TTC7B: variants seen among roughly 807,000 people sequenced by gnomAD.
The protein encoded by TTC7B is tetratricopeptide repeat domain 7B, also known as tetratricopeptide repeat protein 7B.
TTC7B carries 28 observed loss-of-function variants against 106.8 expected under a neutral mutation model. That is an observed-to-expected ratio of 0.26 (90% CI 0.19 to 0.36). The LOEUF (loss-of-function observed/expected upper bound fraction) is 0.36. Ranked by LOEUF, TTC7B falls within the 10% of genes least tolerant of loss-of-function variation. The pLI is 1.00. For missense variants in TTC7B, 862 were observed against 1,076.4 expected (o/e 0.80, Z 2.79); for synonymous variants, 405 against 430.6 (o/e 0.94, Z 0.74).
chr14:90,639,696 C>T lies in TTC7B; in HGVS notation c.1751+4352G>A, dbSNP rs567856869. 5.9e-5 allele frequency among the ~76,000 whole-genome samples: 9 copies of T among 152,302 alleles called. No homozygotes were observed. In the South Asian group the frequency reaches 1.5e-3, roughly 25 times the overall value. On this transcript the variant is annotated intron_variant, in intron 15 of 19. Coordinates refer to ENST00000328459, the MANE Select transcript of TTC7B (RefSeq NM_001010854.2). ...TTTCACTCATAGAGAAATCCTTGAACGTGTGCACCAGGAGCCCTGTAAAGA... is the reference window on the plus strand; with the variant it reads ...TTTCACTCATAGAGAAATCCTTGAATGTGTGCACCAGGAGCCCTGTAAAGA...
At chr14:90,670,928 G>A (rs1362411463) in intron 9 of TTC7B, among the ~76,000 whole-genome samples, 2 of 152,040 alleles carry the variant, frequency 1.3e-5, no homozygotes, top group African/African-American at 2.4e-5. Flanking sequence ...GCACATCTAG[G>A]GACCTCTAAA....
intron 5 of TTC7B, among the ~76,000 whole-genome samples, chr14:90,714,195 A>C (rs1412721693): frequency 6.6e-6 from 1 of 151,200 alleles, no homozygotes; most frequent in Non-Finnish European, 1.5e-5. Flanking sequence ...ACGTCATCAC[A>C]CTCCAGCCTG....
chr14:90,678,397 T>C (rs1208706856), intron 8 of TTC7B, among the ~76,000 whole-genome samples: 2 of 152,238 alleles, frequency 1.3e-5, no homozygotes, highest in African/African-American at 4.8e-5. Context: ...CACAATTTTC[T>C]GACATCCAAA....
intron 17 of TTC7B, among the ~76,000 whole-genome samples, chr14:90,598,573 G>A (rs528374075): frequency 1.3e-5 from 2 of 152,284 alleles, no homozygotes; most frequent in East Asian, 3.9e-4. Context: ...ACTGATCTCA[G>A]GGCACCATGA....
At chr14:90,604,347 C>T (rs957867803) in intron 17 of TTC7B, among the ~76,000 whole-genome samples, 3 of 152,222 alleles carry the variant, frequency 2.0e-5, no homozygotes, top group Admixed American at 2.0e-4. Context: ...ACAACATACA[C>T]GGTGTTTAAA....
At chr14:90,720,654 A>C (rs1236731710) in intron 5 of TTC7B, among the ~76,000 whole-genome samples, 1 of 152,178 alleles carries the variant, frequency 6.6e-6, no homozygotes, top group Non-Finnish European at 1.5e-5. Flanking sequence ...CAGGGCATGA[A>C]TCTCCCGTTA....
intron 5 of TTC7B, among the ~76,000 whole-genome samples, chr14:90,718,263 A>G (rs1888737559): frequency 6.6e-6 from 1 of 152,226 alleles, no homozygotes; most frequent in Non-Finnish European, 1.5e-5. Context: ...TCCCATCCAG[A>G]TGTGTGGGTT....
intron 19 of TTC7B, chr14:90,567,447 T>C (rs1215598683): frequency 6.6e-6 from 1 of 152,190 alleles, no homozygotes; most frequent in Non-Finnish European, 1.5e-5. Flanking sequence ...GGATGCTGCA[T>C]GACCACGAGA....
At chr14:90,701,905 C>T (rs181324102) in intron 5 of TTC7B, among the ~76,000 whole-genome samples, 19 of 151,672 alleles carry the variant, frequency 1.3e-4, no homozygotes, top group Admixed American at 2.6e-4. Context: ...AGTCAGCAGA[C>T]GTGAGTCCTC....
intron 5 of TTC7B, among the ~76,000 whole-genome samples, chr14:90,700,267 C>A (rs917129302): frequency 6.6e-6 from 1 of 152,166 alleles, no homozygotes; most frequent in Admixed American, 6.5e-5. Flanking sequence ...AAGAAAAGTT[C>A]CAGGCATTTC....
At chr14:90,613,186 A>G (rs1188910443) in intron 16 of TTC7B, among the ~76,000 whole-genome samples, 1 of 152,154 alleles carries the variant, frequency 6.6e-6, no homozygotes, top group African/African-American at 2.4e-5. Context: ...GCTTGAGCTC[A>G]GGAGTTCAAG....
intron 8 of TTC7B, among the ~76,000 whole-genome samples, chr14:90,679,634 G>A (rs546971674): frequency 3.3e-4 from 51 of 152,286 alleles, no homozygotes; most frequent in African/African-American, 1.2e-3. Context: ...GAGGGAAGGG[G>A]ACGCGAGCCC....
chr14:90,810,112 GA>G (rs1018411000), intron 1 of TTC7B, among the ~76,000 whole-genome samples: 3 of 152,290 alleles, frequency 2.0e-5, no homozygotes, highest in Non-Finnish European at 4.4e-5. Context: ...TGGGATGGCA[GA>G]AACCTCAACT....
At chr14:90,612,965 C>T (rs1321995029) in intron 16 of TTC7B, among the ~76,000 whole-genome samples, 1 of 152,224 alleles carries the variant, frequency 6.6e-6, no homozygotes, top group Non-Finnish European at 1.5e-5. Flanking sequence ...GATCCACGTT[C>T]CCTCCACCAG....
chr14:90,583,755 C>T (rs1197536936), intron 18 of TTC7B, among the ~76,000 whole-genome samples: 3 of 152,164 alleles, frequency 2.0e-5, no homozygotes, highest in Admixed American at 2.0e-4. Context: ...TTTGAGAGCT[C>T]CATAAGCTCT....
At chr14:90,803,385 T>C (rs1391370407) in intron 1 of TTC7B, among the ~76,000 whole-genome samples, 1 of 152,200 alleles carries the variant, frequency 6.6e-6, no homozygotes, top group Non-Finnish European at 1.5e-5. Context: ...CCTTCACAGA[T>C]GGAGCCCAAC....
At chr14:90,701,226 G>A (rs1887972459) in intron 5 of TTC7B, among the ~76,000 whole-genome samples, 1 of 152,168 alleles carries the variant, frequency 6.6e-6, no homozygotes, top group African/African-American at 2.4e-5. Context: ...CAAACCTTAT[G>A]AGAGCTGTAC....
chr14:90,804,340 AAAAAGAAAAG>A (rs540469588), intron 1 of TTC7B, among the ~76,000 whole-genome samples: 4 of 151,956 alleles, frequency 2.6e-5, no homozygotes, highest in Non-Finnish European at 2.9e-5. Context: ...TCAAAAAAAA[AAAAAGAAAAG>A]AAAAGAAAAG....
chr14:90,680,415 CA>C, intron 8 of TTC7B, 56 bp downstream of exon 8: 13 of 1,369,008 alleles, frequency 9.5e-6, no homozygotes, highest in Admixed American at 1.8e-5. Context: ...ATGGCTATAT[CA>C]AAAAAGGGTC....
Sources: gnomAD v4.1 joint callset for allele counts (sites outside exome capture counted in the v4.1 genomes callset) on GRCh38, gnomAD v4.1.1 for gene constraint, MANE v1.5 for transcripts, NCBI Gene and HGNC (gene_info 2026-07-23, HGNC 2026-07-21) for gene names.